The following AFF4 variants were observed in gnomAD, a reference collection of about 807,000 sequenced individuals.
The protein encoded by AFF4 is ALF transcription elongation factor 4.
A neutral mutation model predicts 124.8 loss-of-function variants in AFF4; 13 were observed. The ratio of observed to expected loss-of-function variants is 0.10; its 90% CI spans 0.07 to 0.17. The LOEUF (loss-of-function observed/expected upper bound fraction) is 0.17, where lower values mean the gene tolerates loss of function less well. AFF4 is among the 10% of genes least tolerant of loss of function. The pLI is 1.00. For synonymous variants in AFF4, 477 were observed against 496.1 expected (o/e 0.96, Z 0.51); for missense variants, 1,092 against 1,403.8 (o/e 0.78, Z 3.55).
At chr5:132,961,305 A>G (rs971123248) in intron 1 of AFF4, among the ~76,000 whole-genome samples, 16 of 152,044 alleles carry the variant, frequency 1.1e-4, no homozygotes, top group African/African-American at 3.6e-4. Context: ...ATGTACCACC[A>G]TGTCTGGCTA....
rs142512556 is a variant in AFF4 at position 132,905,697 on chromosome 5, A to G, written c.1051-1293T>C. Among the ~76,000 whole-genome samples the G allele has an allele frequency of 1.5e-3, 230 of 152,358 alleles. 4 individuals carry two copies. The East Asian group carries it at 0.039, about 26-fold the overall frequency. On this transcript the variant is annotated intron_variant, in intron 5 of 20. Coordinates refer to ENST00000265343, the MANE Select transcript of AFF4 (RefSeq NM_014423.4). ...AAAACTCAAGAAGGATCAAAGACCTATAAATGTAAAAGCTAGAGCTATAAA... is the reference window on the plus strand; with the variant it reads ...AAAACTCAAGAAGGATCAAAGACCTGTAAATGTAAAAGCTAGAGCTATAAA...
rs766764626 is a variant in AFF4 at position 132,897,053 on chromosome 5, G to C, written c.1577C>G (p.Ser526Cys). The C allele has an allele frequency of 6.2e-7, 1 of 1,614,160 alleles. No individual in the cohort carries two copies. Residue 526 changes from serine (S) to cysteine (C), a missense_variant, in exon 11 of 21, where the codon TCC (serine) becomes TGC (cysteine). Ser to Cys is a moderately radical substitution (Grantham distance 112). This residue lies in a region of AFF4 where 174 missense variants were observed against 205.9 expected (regional missense o/e 0.84). Transcript: ENST00000265343. ...TDTSGPKETS[S>C]ATPGRDSKTI... The stretch of plus-strand genomic sequence containing the variant: ...TTTGGAGTCTCGTCCCGGAGTAGCG[G>C]AACTCGTTTCTTTAGGTCCACTTGT...
At chr5:132,901,974 C>A (rs989814804) in intron 7 of AFF4, among the ~76,000 whole-genome samples, 9 of 152,174 alleles carry the variant, frequency 5.9e-5, no homozygotes, top group African/African-American at 2.2e-4. Context: ...GACTATGTGG[C>A]TCTGAAAGCC....
At chr5:132,904,475 T>C in intron 5 of AFF4, 71 bp from the exon 6 acceptor site, 1 of 1,315,698 alleles carries the variant, frequency 7.6e-7, no homozygotes, top group South Asian at 1.3e-5. Flanking sequence ...ATGCTTAAAT[T>C]ACATAAAAAC....
At chr5:132,891,558 GAAT>G (rs1489531642) in intron 13 of AFF4, among the ~76,000 whole-genome samples, 4 of 152,104 alleles carry the variant, frequency 2.6e-5, no homozygotes, top group Admixed American at 2.6e-4. Context: ...AGTATCCTAG[GAAT>G]AATAATTAGA....
chr5:132,931,929 G>A (rs1761309003), intron 4 of AFF4, among the ~76,000 whole-genome samples: 1 of 152,120 alleles, frequency 6.6e-6, no homozygotes, highest in South Asian at 2.1e-4. Context: ...GGGCGACAGA[G>A]TGAGACTTCA....
At chr5:132,954,057 C>A (rs1343908755) in intron 1 of AFF4, among the ~76,000 whole-genome samples, 3 of 152,076 alleles carry the variant, frequency 2.0e-5, no homozygotes, top group African/African-American at 7.3e-5. Flanking sequence ...ATACTTTCTA[C>A]CAGTCCCTTC....
intron 5 of AFF4, among the ~76,000 whole-genome samples, chr5:132,904,998 C>T (rs373099266): frequency 3.2e-4 from 47 of 144,842 alleles, no homozygotes; most frequent in African/African-American, 1.1e-3. Flanking sequence ...TGCAGTGAGC[C>T]GAGATCGCGC....
chr5:132,955,635 G>A (rs964428991), intron 1 of AFF4, among the ~76,000 whole-genome samples: 19 of 151,590 alleles, frequency 1.3e-4, no homozygotes, highest in African/African-American at 1.9e-4. Context: ...AAAAGTAGCC[G>A]GGCGTGGTGG....
intron 1 of AFF4, among the ~76,000 whole-genome samples, chr5:132,959,915 C>G (rs1029021943): frequency 6.6e-6 from 1 of 151,944 alleles, no homozygotes; most frequent in African/African-American, 2.4e-5. Flanking sequence ...CAGGCGCCTG[C>G]CACCACACCC....
intron 5 of AFF4, among the ~76,000 whole-genome samples, chr5:132,915,568 GTTTT>G (rs34458324): frequency 8.1e-6 from 1 of 122,990 alleles, no homozygotes; most frequent in Admixed American, 8.8e-5. Context: ...TTTTTTTTGG[GTTTT>G]TTTTTTTTTT....
chr5:132,912,953 C>T (rs996171419), intron 5 of AFF4, among the ~76,000 whole-genome samples: 1 of 151,980 alleles, frequency 6.6e-6, no homozygotes, highest in African/African-American at 2.4e-5. Context: ...TAAATAATCA[C>T]ATTAAATGTA....
At position 132,900,866 on chromosome 5, in the gene AFF4, C is replaced by T. The variant is rs184186733; in HGVS notation, c.1134-1225G>A. 1.6e-5 allele frequency: 16 copies of T among 981,902 alleles called. 1 individual carries two copies. In the Admixed American group the frequency reaches 9.8e-4, roughly 60 times the overall value. The allele number at this position is 981,902 out of a possible 1,614,324, so 60.8% of individuals were successfully genotyped here. Reference sequence around the variant, plus strand: ...TCTAATTTCTCATTATCAGTAATTCCATTACCTTTCTTAAAATTTCATTAC... The same window carrying T: ...TCTAATTTCTCATTATCAGTAATTCTATTACCTTTCTTAAAATTTCATTAC... On this transcript the variant is annotated intron_variant, in intron 7 of 20. Transcript: ENST00000265343.
At position 132,889,192 on chromosome 5, in the gene AFF4, A is replaced by G; in HGVS notation, c.2638-19T>C. On this transcript the variant is annotated intron_variant, in intron 13 of 20. Transcript: ENST00000265343. ...CCTTTTCCTGACCAAAAAAATATAT[A>G]ACTACAATGAAAACCGTAAGGAGAT... 3 of 1,550,258 alleles carry G rather than the reference A, an allele frequency of 1.9e-6. No individual in the cohort carries two copies. The highest frequency in any genetic ancestry group is 2.7e-6 in the Non-Finnish European group (3 of 1,123,100).
At chr5:132,940,058 G>A (rs947686216) in intron 1 of AFF4, among the ~76,000 whole-genome samples, 1 of 152,158 alleles carries the variant, frequency 6.6e-6, no homozygotes, top group South Asian at 2.1e-4. Flanking sequence ...AAAGTAGCCT[G>A]CCGTGGTAGC....
At chr5:132,939,549 G>A (rs1159723878) in intron 1 of AFF4, among the ~76,000 whole-genome samples, 1 of 152,206 alleles carries the variant, frequency 6.6e-6, no homozygotes, top group Admixed American at 6.5e-5. Context: ...TTATACCTGA[G>A]AGACTAAGGA....
At chr5:132,962,779 A>C (rs1477898832) in intron 1 of AFF4, among the ~76,000 whole-genome samples, 1 of 150,392 alleles carries the variant, frequency 6.6e-6, no homozygotes, top group Non-Finnish European at 1.5e-5. Flanking sequence ...TCCCCTTCGC[A>C]AGTCGAAGGC....
At chr5:132,921,113 C>T (rs529844185) in intron 5 of AFF4, among the ~76,000 whole-genome samples, 5 of 141,572 alleles carry the variant, frequency 3.5e-5, no homozygotes, top group South Asian at 2.3e-4. Flanking sequence ...AGCGACAGAG[C>T]GAGACTCTGT....
chr5:132,908,627 C>G (rs1233171739), intron 5 of AFF4, among the ~76,000 whole-genome samples: 3 of 151,164 alleles, frequency 2.0e-5, no homozygotes, highest in South Asian at 2.1e-4. Context: ...CATATTAGAA[C>G]TGTGGTTTTT....
Sources: allele counts gnomAD v4.1 joint callset (sites outside exome capture counted in the v4.1 genomes callset), GRCh38; gene constraint gnomAD v4.1.1; regional missense constraint gnomAD v4.1.1; transcripts MANE v1.5; gene names NCBI Gene and HGNC (gene_info 2026-07-23, HGNC 2026-07-21).